The following PLCB4 variants were observed in gnomAD, a reference collection of about 807,000 sequenced individuals.
The protein encoded by PLCB4 is phospholipase C beta 4.
PLCB4 carries 77 observed loss-of-function variants against 178.8 expected under a neutral mutation model. The observed-to-expected ratio is 0.43, with a 90% CI of 0.36 to 0.52. PLCB4 has a LOEUF of 0.52. Among genes scored for constraint, PLCB4 ranks in the 20% least tolerant of loss-of-function variants. PLCB4 has a pLI of 0.00. For synonymous variants in PLCB4, 496 were observed against 490.8 expected, an observed-to-expected ratio of 1.01 and a Z score of -0.14; for missense variants, 1,024 against 1,453.4, an observed-to-expected ratio of 0.70 and a Z score of 4.80.
At chr20:9,241,067 T>C (rs184262626) in intron 3 of PLCB4, among the ~76,000 whole-genome samples, 26 of 152,284 alleles carry the variant, frequency 1.7e-4, no homozygotes, top group African/African-American at 5.5e-4. Context: ...GGAAGGAATA[T>C]TTAGGCTCAG....
In PLCB4 at chr20:9,253,256, G is replaced by C. The variant is rs546026421; in HGVS notation, c.-16+35804G>C. Reference sequence around the variant, plus strand: ...TGTGCACATTTCCAGCAGAGCAAGGGATCCGACTAGAATCAGCTATACTTG... The same window carrying C: ...TGTGCACATTTCCAGCAGAGCAAGGCATCCGACTAGAATCAGCTATACTTG... On this transcript the variant is annotated intron_variant, in intron 3 of 39. Transcript: ENST00000378473. 5.3e-5 allele frequency among the ~76,000 whole-genome samples: 8 copies of C among 152,256 alleles called. No individual in the cohort carries two copies. The East Asian group carries it at 9.7e-4, about 18-fold the overall frequency.
chr20:9,269,872 T>C (rs1487608055), intron 3 of PLCB4, among the ~76,000 whole-genome samples: 2 of 152,128 alleles, frequency 1.3e-5, no homozygotes, highest in Non-Finnish European at 2.9e-5. Flanking sequence ...ATCTGTCAAA[T>C]TGTGATTGCC....
intron 35 of PLCB4, among the ~76,000 whole-genome samples, chr20:9,461,431 T>A (rs140657595): frequency 6.6e-6 from 1 of 152,206 alleles, no homozygotes; most frequent in South Asian, 2.1e-4. Flanking sequence ...GCCCAAGAAG[T>A]GTGAGCCAAA....
intron 3 of PLCB4, among the ~76,000 whole-genome samples, chr20:9,260,597 G>A (rs961492180): frequency 2.6e-5 from 4 of 152,036 alleles, no homozygotes; most frequent in South Asian, 2.1e-4. Flanking sequence ...ACATGTATAT[G>A]CTGACATTGA....
chr20:9,272,179 G>A lies in PLCB4; in HGVS notation c.-15-35621G>A, dbSNP rs113872282. ...GGCAACAGAATAAAACCCTGCCCAC[G>A]CACCCCCCTCAAAAAAAAAAAGAGA... is the stretch of plus-strand genomic sequence containing the variant. On this transcript the variant is annotated intron_variant, in intron 3 of 39. Coordinates refer to ENST00000378473, the MANE Select transcript of PLCB4 (RefSeq NM_001377142.1). 1.7e-3 allele frequency among the ~76,000 whole-genome samples: 246 copies of A among 146,422 alleles called. 2 individuals carry two copies. Among genetic ancestry groups the A allele is most frequent in the Admixed American group, 3.5e-3 (49 of 13,932 alleles).
chr20:9,422,131 T>TC (rs1237539020), intron 27 of PLCB4, among the ~76,000 whole-genome samples: 1 of 152,224 alleles, frequency 6.6e-6, no homozygotes, highest in East Asian at 1.9e-4. Context: ...CACTTTCCTT[T>TC]CTTACTTACT....
At chr20:9,283,447 G>A (rs539827119) in intron 3 of PLCB4, among the ~76,000 whole-genome samples, 1 of 151,998 alleles carries the variant, frequency 6.6e-6, no homozygotes, top group Admixed American at 6.6e-5. Flanking sequence ...GGGTTTGGGG[G>A]ACGGTTTTAT....
intron 3 of PLCB4, among the ~76,000 whole-genome samples, chr20:9,249,446 A>T (rs2094157644): frequency 6.6e-6 from 1 of 152,060 alleles, no homozygotes; most frequent in Non-Finnish European, 1.5e-5. Context: ...TAGCTGGGAC[A>T]TCAGGTGTGT....
chr20:9,432,942 G>A (rs1263726710), intron 28 of PLCB4, among the ~76,000 whole-genome samples: 2 of 152,040 alleles, frequency 1.3e-5, no homozygotes, highest in Non-Finnish European at 2.9e-5. Context: ...AGCACCATCA[G>A]CACCACTAAA....
chr20:9,431,005 C>T (rs2041355820), intron 28 of PLCB4, among the ~76,000 whole-genome samples: 1 of 152,242 alleles, frequency 6.6e-6, no homozygotes, highest in Admixed American at 6.5e-5. Context: ...TGTTCTCCCT[C>T]TGCCCTAGTT....
chr20:9,457,984 A>G (rs1439185908), intron 34 of PLCB4, among the ~76,000 whole-genome samples: 1 of 152,160 alleles, frequency 6.6e-6, no homozygotes, highest in Non-Finnish European at 1.5e-5. Context: ...AGAAAATAGG[A>G]GCTTGAGAGA....
rs536382067 is a variant in PLCB4 at position 9,094,749 on chromosome 20, A to G, written c.-134-1538A>G. ...TTGGTCAGTTATGAACTGAAGATCT[A>G]TAAGTGGCCCCACCCCAGTTGTTAC... On this transcript the variant is annotated intron_variant, in intron 1 of 39. Transcript: ENST00000378473. Among the ~76,000 whole-genome samples the G allele has an allele frequency of 8.9e-4, 135 of 152,326 alleles. No individual in the cohort carries two copies. In the Middle Eastern group the frequency reaches 0.01, roughly 12 times the overall value.
chr20:9,396,143 T>A (rs983645358), intron 19 of PLCB4, among the ~76,000 whole-genome samples: 7 of 152,206 alleles, frequency 4.6e-5, no homozygotes, highest in African/African-American at 1.7e-4. Context: ...TCCCTTCCTA[T>A]TGGCCATTCA....
chr20:9,084,837 G>T (rs549123847), intron 1 of PLCB4, among the ~76,000 whole-genome samples: 7 of 151,968 alleles, frequency 4.6e-5, no homozygotes, highest in Non-Finnish European at 1.0e-4. Context: ...ATTTTCACAA[G>T]GTCAGGAGAT....
chr20:9,112,832 CT>C (rs1414795305), intron 2 of PLCB4, among the ~76,000 whole-genome samples: 1 of 151,956 alleles, frequency 6.6e-6, no homozygotes, highest in Admixed American at 6.6e-5. Flanking sequence ...CCAAGGAAAA[CT>C]GATTTTGCAT....
At position 9,266,214 on chromosome 20, in the gene PLCB4, C is replaced by G. The variant is rs148461197; in HGVS notation, c.-15-41586C>G. On this transcript the variant is annotated intron_variant, in intron 3 of 39. Coordinates refer to ENST00000378473, the MANE Select transcript of PLCB4 (RefSeq NM_001377142.1). The stretch of plus-strand genomic sequence containing the variant: ...CTATCTCTGGAGAACTGCAGAATCT[C>G]TGTCTCTGCCCCAGATCTACTGAAT... Among the ~76,000 whole-genome samples, 328 of 152,308 alleles carry G rather than the reference C, an allele frequency of 2.2e-3. 2 individuals are homozygous for G. The highest frequency in any genetic ancestry group is 3.7e-3 in the Non-Finnish European group (250 of 68,028).
chr20:9,324,525 C>G (rs2030087201), intron 4 of PLCB4, among the ~76,000 whole-genome samples: 1 of 152,190 alleles, frequency 6.6e-6, no homozygotes, highest in African/African-American at 2.4e-5. Flanking sequence ...ATACAATCTT[C>G]CCATTCTCAT....
chr20:9,203,635 CAAT>C (rs1410436825), intron 2 of PLCB4, among the ~76,000 whole-genome samples: 1 of 152,074 alleles, frequency 6.6e-6, no homozygotes, highest in Non-Finnish European at 1.5e-5. Context: ...AACTTCACAA[CAAT>C]GAGTTAGGTA....
intron 20 of PLCB4, among the ~76,000 whole-genome samples, chr20:9,404,555 A>C (rs1223565733): frequency 6.6e-6 from 1 of 151,054 alleles, no homozygotes; most frequent in Non-Finnish European, 1.5e-5. Context: ...CAGTGAGCCA[A>C]GATTGTGCCA....
Sources: gnomAD v4.1 joint callset for allele counts (sites outside exome capture counted in the v4.1 genomes callset) on GRCh38, gnomAD v4.1.1 for gene constraint, MANE v1.5 for transcripts, NCBI Gene and HGNC (gene_info 2026-07-23, HGNC 2026-07-21) for gene names.